PCBP3: variants seen among roughly 807,000 people sequenced by gnomAD.
PCBP3 encodes poly(rC) binding protein 3.
A neutral mutation model predicts 52.7 loss-of-function variants in PCBP3; 25 were observed. The ratio of observed to expected loss-of-function variants is 0.47; its 90% CI spans 0.35 to 0.66. The LOEUF (loss-of-function observed/expected upper bound fraction) is 0.66, where lower values mean the gene tolerates loss of function less well. Ranked by LOEUF, PCBP3 falls within the 30% of genes least tolerant of loss-of-function variation. PCBP3 has a pLI of 0.01. For synonymous variants in PCBP3, 162 were observed against 183.0 expected (o/e 0.89, Z 0.93); for missense variants, 391 against 490.3 (o/e 0.80, Z 1.91).
In PCBP3 at chr21:45,804,653, C is replaced by T. The variant is rs138627552; in HGVS notation, c.-125-45308C>T. The stretch of plus-strand genomic sequence containing the variant: ...TGCTTCCCCAGTCCCTGCTGTCCTG[C>T]TGATGTGTCCACGCACCAGGCATTC... On this transcript the variant is annotated intron_variant, in intron 4 of 17. Transcript: ENST00000681687. Among the ~76,000 whole-genome samples the T allele has an allele frequency of 1.8e-3, 273 of 152,270 alleles. 1 individual carries two copies. The highest frequency in any genetic ancestry group is 3.5e-3 in the Non-Finnish European group (236 of 68,016).
intron 4 of PCBP3, among the ~76,000 whole-genome samples, chr21:45,773,363 T>C (rs912803669): frequency 4.6e-5 from 7 of 152,204 alleles, no homozygotes; most frequent in African/African-American, 1.7e-4. Flanking sequence ...CATGTGGCTA[T>C]CCAATTTTTT....
chr21:45,706,046 A>G (rs1486229605), intron 2 of PCBP3, among the ~76,000 whole-genome samples: 1 of 152,230 alleles, frequency 6.6e-6, no homozygotes, highest in Admixed American at 6.5e-5. Flanking sequence ...TCAGTTGTCA[A>G]AGAGTCTTTT....
intron 5 of PCBP3, among the ~76,000 whole-genome samples, chr21:45,876,007 G>A (rs560206438): frequency 6.6e-6 from 1 of 152,218 alleles, no homozygotes; most frequent in Non-Finnish European, 1.5e-5. Flanking sequence ...AAGGTGTGGG[G>A]TGAGGAATGT....
At chr21:45,932,187 C>A (rs1456753355) in intron 15 of PCBP3, among the ~76,000 whole-genome samples, 5 of 101,884 alleles carry the variant, frequency 4.9e-5, no homozygotes, top group East Asian at 3.3e-4. Flanking sequence ...CATGCCGTCC[C>A]GAGATGAATG....
At chr21:45,753,264 G>A (rs964568734) in intron 3 of PCBP3, among the ~76,000 whole-genome samples, 2 of 150,460 alleles carry the variant, frequency 1.3e-5, no homozygotes, top group African/African-American at 4.9e-5. Context: ...GTTCATTTCT[G>A]CTCTTAGGTC....
chr21:45,740,486 C>CA (rs777005355), intron 3 of PCBP3, among the ~76,000 whole-genome samples: 20 of 152,308 alleles, frequency 1.3e-4, no homozygotes, highest in Admixed American at 3.3e-4. Context: ...TTTTAAAGGG[C>CA]AAAAGTCACC....
At chr21:45,726,270 G>A (rs2148398459) in intron 2 of PCBP3, among the ~76,000 whole-genome samples, 1 of 152,116 alleles carries the variant, frequency 6.6e-6, no homozygotes, top group East Asian at 1.9e-4. Flanking sequence ...CAGTGGATAT[G>A]GGAGTTCATG....
intron 4 of PCBP3, among the ~76,000 whole-genome samples, chr21:45,810,893 T>C (rs896007080): frequency 1.3e-5 from 2 of 152,236 alleles, no homozygotes; most frequent in African/African-American, 4.8e-5. Flanking sequence ...TTGGAAGCTG[T>C]AGTTTTAAAA....
At position 45,880,090 on chromosome 21, in the gene PCBP3, CCATCCTGGTTTCGTGGCATTTTTCTCTG is replaced by C. The variant is rs2095364502; in HGVS notation, c.11-16111_11-16084del. On this transcript the variant is annotated intron_variant, in intron 5 of 17. Transcript: ENST00000681687. The surrounding 1 kb of genome is among the most constrained non-coding windows in gnomAD (Gnocchi z 5.4). ...TGCGTTTGTTGTGTGGCGTGAGAGT[CCATCCTGGTTTCGTGGCATTTTTCTCTG>C]CATCCTTTTTATTGACAAGACGTTC... 6.6e-6 allele frequency among the ~76,000 whole-genome samples: 1 copy of C among 152,140 alleles called. No homozygotes were observed. Among genetic ancestry groups the C allele is most frequent in the South Asian group, 2.1e-4 (1 of 4,820 alleles).
At chr21:45,803,809 C>T (rs1198822288) in intron 4 of PCBP3, among the ~76,000 whole-genome samples, 4 of 152,200 alleles carry the variant, frequency 2.6e-5, no homozygotes, top group African/African-American at 9.6e-5. Flanking sequence ...CCCGTGGCCT[C>T]GCTGCCATAG....
chr21:45,667,700 G>C (rs1237773247), intron 1 of PCBP3, among the ~76,000 whole-genome samples: 1 of 151,952 alleles, frequency 6.6e-6, no homozygotes, highest in Non-Finnish European at 1.5e-5. Flanking sequence ...TTCTTTCCCT[G>C]TGTATGGGCC....
intron 17 of PCBP3, among the ~76,000 whole-genome samples, chr21:45,940,782 C>CGCCAGGCACCCTGTACCACCAGCCCCCCA (rs2077374472): frequency 2.3e-5 from 3 of 129,344 alleles, no homozygotes; most frequent in Non-Finnish European, 4.7e-5. Flanking sequence ...CCACCAGCCC[C>CGCCAGGCACCCTGTACCACCAGCCCCCCA]GCCAGGCACA....
chr21:45,892,107 G>T (rs1234336727), intron 5 of PCBP3, among the ~76,000 whole-genome samples: 1 of 152,200 alleles, frequency 6.6e-6, no homozygotes, highest in African/African-American at 2.4e-5. Flanking sequence ...GAGGGGAAGG[G>T]TGCCCTCGGG....
At chr21:45,708,019 C>A (rs1339645004) in intron 2 of PCBP3, among the ~76,000 whole-genome samples, 1 of 152,234 alleles carries the variant, frequency 6.6e-6, no homozygotes, top group Non-Finnish European at 1.5e-5. Context: ...TCTTCAGTGG[C>A]AAAGCCGACG....
intron 2 of PCBP3, among the ~76,000 whole-genome samples, chr21:45,710,157 A>G (rs1177404262): frequency 6.6e-6 from 1 of 152,084 alleles, no homozygotes; most frequent in Non-Finnish European, 1.5e-5. Flanking sequence ...TTTTATTATT[A>G]TTATTAGTGT....
Position 45,941,797 on chromosome 21 carries a change from C to T in PCBP3, c.*91C>T. On this transcript the variant is annotated 3_prime_UTR_variant, in exon 18 of 18. Coordinates refer to ENST00000681687, the MANE Select transcript of PCBP3 (RefSeq NM_001384156.1). ...TCTGTACAGCCCACCTTCCCTGCCT[C>T]ACAGATACCAATAGAGAGGTTTTCT... 1 of 986,546 alleles carries T rather than the reference C, an allele frequency of 1.0e-6. No individual in the cohort carries two copies. The highest frequency in any genetic ancestry group is 1.5e-6 in the Non-Finnish European group (1 of 664,978). 61.1% of individuals were successfully genotyped at this position (986,546 alleles called of 1,614,324 possible).
intron 5 of PCBP3, among the ~76,000 whole-genome samples, chr21:45,889,482 C>T (rs1311184434): frequency 6.6e-6 from 1 of 152,222 alleles, no homozygotes; most frequent in African/African-American, 2.4e-5. Flanking sequence ...TGGTCTCCAC[C>T]TTGGGCAGAC....
chr21:45,648,234 T>C (rs939588082), intron 1 of PCBP3, among the ~76,000 whole-genome samples: 8 of 152,234 alleles, frequency 5.3e-5, no homozygotes, highest in Non-Finnish European at 1.0e-4. Context: ...CCAACAGCAG[T>C]AAGAAACCGA....
Position 45,917,873 on chromosome 21 carries a change from T to A in PCBP3, c.717+244T>A. The stretch of plus-strand genomic sequence containing the variant: ...GTCTCAATTCTGCCGCAGTCCTGGG[T>A]TTTCCTCCCTCCCACGGGGCCTGGG... On this transcript the variant is annotated intron_variant, in intron 13 of 17. Coordinates refer to ENST00000681687, the MANE Select transcript of PCBP3 (RefSeq NM_001384156.1). The surrounding 1 kb of genome is among the most constrained non-coding windows in gnomAD (Gnocchi z 5.3). 1.9e-6 allele frequency: 1 copy of A among 540,498 alleles called. No individual in the cohort carries two copies. The highest frequency in any genetic ancestry group is 2.5e-5 in the Admixed American group (1 of 40,718). The allele number at this position is 540,498 out of a possible 1,614,324, so 33.5% of individuals were successfully genotyped here.
Sources: gnomAD v4.1 joint callset for allele counts (sites outside exome capture counted in the v4.1 genomes callset) on GRCh38, gnomAD v4.1.1 for gene constraint, Gnocchi (gnomAD v3.1) non-coding constraint, MANE v1.5 for transcripts, NCBI Gene and HGNC (gene_info 2026-07-23, HGNC 2026-07-21) for gene names.